SH3RF3: variants seen among roughly 807,000 people sequenced by gnomAD.
The protein encoded by SH3RF3 is SH3 domain containing ring finger 3, also known as E3 ubiquitin-protein ligase SH3RF3.
Under a neutral mutation model 66.3 loss-of-function variants are expected in SH3RF3, and 29 were observed. The observed-to-expected ratio is 0.44, with a 90% CI of 0.33 to 0.60. The LOEUF is 0.60. Among genes scored for constraint, SH3RF3 ranks in the 20% least tolerant of loss-of-function variants. SH3RF3 has a pLI of 0.04. For synonymous variants in SH3RF3, 583 were observed against 532.0 expected, an observed-to-expected ratio of 1.10 and a Z score of -1.32; for missense variants, 1,194 against 1,190.9, an observed-to-expected ratio of 1.00 and a Z score of -0.04.
chr2:109,341,711 C>T lies in SH3RF3; in HGVS notation c.574-5963C>T, dbSNP rs536656023. On this transcript the variant is annotated intron_variant, in intron 1 of 9. Coordinates refer to ENST00000309415, the MANE Select transcript of SH3RF3 (RefSeq NM_001099289.3). ...ATAATATTTGATGGAAAAACTGGCC[C>T]ACCCTACTGTGTCTACCATGCAGCC... 1.2e-4 allele frequency among the ~76,000 whole-genome samples: 18 copies of T among 152,262 alleles called. No individual in the cohort carries two copies. In the South Asian group the frequency reaches 3.5e-3, roughly 30 times the overall value.
chr2:109,422,182 C>G (rs1295420189), intron 5 of SH3RF3, among the ~76,000 whole-genome samples: 2 of 152,206 alleles, frequency 1.3e-5, no homozygotes, highest in East Asian at 3.9e-4. Context: ...GCTGTCGTTG[C>G]AAAAACAACC....
At chr2:109,403,468 T>G (rs946482206) in intron 4 of SH3RF3, among the ~76,000 whole-genome samples, 2 of 152,238 alleles carry the variant, frequency 1.3e-5, no homozygotes, top group Non-Finnish European at 2.9e-5. Flanking sequence ...GCTGTACTTC[T>G]GTGCCAGCCC....
chr2:109,487,384 C>T (rs936229862), intron 8 of SH3RF3, among the ~76,000 whole-genome samples: 8 of 152,162 alleles, frequency 5.3e-5, no homozygotes, highest in African/African-American at 1.2e-4. Flanking sequence ...CCATGGATTC[C>T]GTGAGCATGA....
intron 1 of SH3RF3, among the ~76,000 whole-genome samples, chr2:109,168,431 G>T (rs1677680458): frequency 1.3e-5 from 2 of 152,196 alleles, no homozygotes; most frequent in South Asian, 2.1e-4. Flanking sequence ...CTAGATTCCT[G>T]TGCTTGCGAG....
Position 109,324,950 on chromosome 2 carries a change from G to A in SH3RF3, c.574-22724G>A, listed in dbSNP as rs12105777. On this transcript the variant is annotated intron_variant, in intron 1 of 9. Transcript: ENST00000309415. ...TGCCATTCCTATACAGTAATGACTA[G>A]TATAGACAAATACAATCACACAGTT... Among the ~76,000 whole-genome samples, 1,334 of 152,312 alleles carry A rather than the reference G, an allele frequency of 8.8e-3. 24 individuals carry two copies. The highest frequency in any genetic ancestry group is 0.03 in the African/African-American group (1,242 of 41,558).
intron 1 of SH3RF3, among the ~76,000 whole-genome samples, chr2:109,328,613 G>T (rs1304774887): frequency 2.6e-5 from 4 of 152,204 alleles, no homozygotes; most frequent in Admixed American, 2.0e-4. Context: ...AGCGTTCCAG[G>T]TTATCCAGGA....
chr2:109,170,320 T>TC (rs768510090), intron 1 of SH3RF3, among the ~76,000 whole-genome samples: 10 of 133,404 alleles, frequency 7.5e-5, no homozygotes, highest in East Asian at 4.5e-4. Context: ...TTCTCTCCTC[T>TC]CTCTCTCTCC....
intron 3 of SH3RF3, among the ~76,000 whole-genome samples, chr2:109,373,256 A>G (rs74847805): frequency 0.026 from 3,936 of 152,356 alleles, 118 homozygotes; most frequent in African/African-American, 0.064. Context: ...TACCACTTAC[A>G]ATGTCGTCCA....
intron 1 of SH3RF3, among the ~76,000 whole-genome samples, chr2:109,284,348 C>T (rs1680969191): frequency 6.6e-6 from 1 of 152,314 alleles, no homozygotes; most frequent in Admixed American, 6.5e-5. Context: ...CTGATAGCAA[C>T]CAAAATTATC....
At chr2:109,369,015 G>A (rs186071824) in intron 2 of SH3RF3, among the ~76,000 whole-genome samples, 48 of 152,176 alleles carry the variant, frequency 3.2e-4, no homozygotes, top group African/African-American at 8.9e-4. Flanking sequence ...CCAAGCCAGG[G>A]CCCCACTCTA....
chr2:109,227,860 G>A (rs1048903269), intron 1 of SH3RF3, among the ~76,000 whole-genome samples: 15 of 152,180 alleles, frequency 9.9e-5, no homozygotes, highest in African/African-American at 2.9e-4. Flanking sequence ...CGGTCGCTCC[G>A]CCTTTCATCG....
chr2:109,163,067 G>A (rs555800560), intron 1 of SH3RF3, among the ~76,000 whole-genome samples: 2 of 152,310 alleles, frequency 1.3e-5, no homozygotes, highest in East Asian at 1.9e-4. Flanking sequence ...CCGCCAAATA[G>A]GAGGCTGAAG....
rs1170254470 is a variant in SH3RF3 at position 109,420,120 on chromosome 2, T to C, written c.1403+478T>C. ...GCCAGCTGCATCTCATCCCCAAATA[T>C]AACCAGATGAATCAGTGCTAGGAAG... is the stretch of plus-strand genomic sequence containing the variant. On this transcript the variant is annotated intron_variant, in intron 5 of 9. Transcript: ENST00000309415. 2.0e-5 allele frequency among the ~76,000 whole-genome samples: 3 copies of C among 152,232 alleles called. 1 individual carries two copies. The highest frequency in any genetic ancestry group is 7.2e-5 in the African/African-American group (3 of 41,454).
At chr2:109,437,801 T>C (rs1012263917) in intron 7 of SH3RF3, among the ~76,000 whole-genome samples, 5 of 152,224 alleles carry the variant, frequency 3.3e-5, no homozygotes, top group African/African-American at 1.2e-4. Context: ...ATAAAGAAGG[T>C]AAGCACATCT....
chr2:109,458,868 A>G (rs925030634), intron 8 of SH3RF3, among the ~76,000 whole-genome samples: 3 of 152,222 alleles, frequency 2.0e-5, no homozygotes, highest in African/African-American at 7.2e-5. Context: ...AAATGCCTTC[A>G]TAGCAACATC....
Position 109,371,962 on chromosome 2 carries a change from G to A in SH3RF3, c.945+281G>A, listed in dbSNP as rs570944773. On this transcript the variant is annotated intron_variant, in intron 3 of 9. Coordinates refer to ENST00000309415, the MANE Select transcript of SH3RF3 (RefSeq NM_001099289.3). ...CAGGGCCCCCTTGTGCACCTTCCCC[G>A]TTTTCTCAAGGGACCCCTGCGCCTG... Among the ~76,000 whole-genome samples, 555 of 152,266 alleles carry A rather than the reference G, an allele frequency of 3.6e-3. 1 individual carries two copies. The highest frequency in any genetic ancestry group is 4.9e-3 in the Non-Finnish European group (335 of 67,996).
At chr2:109,246,747 C>T (rs1276528793) in intron 1 of SH3RF3, among the ~76,000 whole-genome samples, 4 of 152,146 alleles carry the variant, frequency 2.6e-5, no homozygotes, top group East Asian at 1.9e-4. Context: ...GTGGGGATGC[C>T]GGGGTGGAGA....
intron 2 of SH3RF3, among the ~76,000 whole-genome samples, chr2:109,368,686 G>T: frequency 6.9e-6 from 1 of 144,334 alleles, no homozygotes; most frequent in South Asian, 2.2e-4. Flanking sequence ...AGATACCAGT[G>T]TGGATATCAT....
At chr2:109,472,319 C>T (rs1678537862) in intron 8 of SH3RF3, among the ~76,000 whole-genome samples, 1 of 151,966 alleles carries the variant, frequency 6.6e-6, no homozygotes, top group Non-Finnish European at 1.5e-5. Context: ...GCCTCCCGGG[C>T]CCTCCTCACC....
Sources: allele counts gnomAD v4.1 joint callset (sites outside exome capture counted in the v4.1 genomes callset), GRCh38; gene constraint gnomAD v4.1.1; transcripts MANE v1.5; gene names NCBI Gene and HGNC (gene_info 2026-07-23, HGNC 2026-07-21).